Variants in BTNL9 observed in about 807,000 individuals in gnomAD.
The protein encoded by BTNL9 is butyrophilin like 9.
BTNL9 carries 45 observed loss-of-function variants against 45.8 expected under a neutral mutation model. The ratio of observed to expected loss-of-function variants is 0.98; its 90% CI spans 0.77 to 1.26. The LOEUF (loss-of-function observed/expected upper bound fraction) is 1.26, where lower values mean the gene tolerates loss of function less well. Ranked by LOEUF, BTNL9 falls within the 50% of genes most tolerant of loss-of-function variation. BTNL9 has a pLI of 0.00. For synonymous variants in BTNL9, 346 were observed against 330.8 expected, an observed-to-expected ratio of 1.05 and a Z score of -0.50; for missense variants, 784 against 729.7, an observed-to-expected ratio of 1.07 and a Z score of -0.86.
chr5:181,056,088 A>C, intron 9 of BTNL9, 73 bp downstream of exon 9: 1 of 1,521,512 alleles, frequency 6.6e-7, no homozygotes, highest in Non-Finnish European at 9.1e-7. Flanking sequence ...CACCTGATTA[A>C]CCAATCAGGC....
intron 10 of BTNL9, 24 bp downstream of exon 10, chr5:181,058,402 TTG>T: frequency 6.2e-7 from 1 of 1,614,120 alleles, no homozygotes; most frequent in Non-Finnish European, 8.5e-7. Context: ...GGAAACTGAT[TTG>T]TGTTTTGGTT....
Position 181,045,516 on chromosome 5 carries a change from C to A in BTNL9, c.27C>A (p.Asp9Glu). MVDLSVSP[D>E]SLKPVSLTSS... ...TGGTGGACCTCTCAGTCTCCCCAGA[C>A]TCCTTGAAGCCAGTATCGCTGACCA... The change falls in exon 2 of 11, where the codon GAC becomes GAA. Residue 9 changes from aspartate (D) to glutamate (E), a missense_variant. Coordinates refer to ENST00000327705, the MANE Select transcript of BTNL9 (RefSeq NM_152547.5). 1 of 1,611,782 alleles carries A rather than the reference C, an allele frequency of 6.2e-7. No homozygotes were observed. Among genetic ancestry groups the A allele is most frequent in the South Asian group, 1.1e-5 (1 of 91,068 alleles).
In BTNL9 at chr5:181,060,973, T is replaced by A. The variant is rs1762118234; in HGVS notation, c.*1111T>A. On this transcript the variant is annotated 3_prime_UTR_variant, in exon 11 of 11. Coordinates refer to ENST00000327705, the MANE Select transcript of BTNL9 (RefSeq NM_152547.5). ...TTTAAGTGCGTTATAGAGACGGGGG[T>A]CTCACTTTGTTACCCAGGCTGGTCT... 1 of 151,280 alleles carries A rather than the reference T, an allele frequency of 6.6e-6. No homozygotes were observed. The highest frequency in any genetic ancestry group is 1.5e-5 in the Non-Finnish European group (1 of 67,896). 9.4% of individuals were successfully genotyped at this position (151,280 alleles called of 1,614,324 possible).
rs1561979068 is a variant in BTNL9, at chr5:181,048,851, A to AATATTATATAATTATATTAGTTAT, written c.454+584_454+607dup. ...TATTATATAATTATATTAGTTATAT[A>AATATTATATAATTATATTAGTTAT]ATATTATATAATTATATTAGTTATA... On this transcript the variant is annotated intron_variant, in intron 3 of 10. Transcript: ENST00000327705. 2.3e-3 allele frequency among the ~76,000 whole-genome samples: 311 copies of AATATTATATAATTATATTAGTTAT among 135,754 alleles called. 6 individuals carry two copies. Among genetic ancestry groups the AATATTATATAATTATATTAGTTAT allele is most frequent in the African/African-American group, 8.7e-3 (302 of 34,772 alleles). The allele number at this position is 135,754 out of a possible 152,430, so 89.1% of individuals were successfully genotyped here.
At position 181,060,122 on chromosome 5, in the gene BTNL9, G is replaced by T; in HGVS notation, c.*260G>T. ...ATATATCCACGTCGCTCAGAGCTGGGGTGCTCACGGTGGGCGGTGGGCAAG... is the reference window on the plus strand; with the variant it reads ...ATATATCCACGTCGCTCAGAGCTGGTGTGCTCACGGTGGGCGGTGGGCAAG... On this transcript the variant is annotated 3_prime_UTR_variant, in exon 11 of 11. Coordinates refer to ENST00000327705, the MANE Select transcript of BTNL9 (RefSeq NM_152547.5). The T allele has an allele frequency of 4.4e-6, 2 of 457,044 alleles. No individual in the cohort carries two copies. The highest frequency in any genetic ancestry group is 7.7e-6 in the Non-Finnish European group (2 of 261,130). 28.3% of individuals were successfully genotyped at this position (457,044 alleles called of 1,614,324 possible). A position where few individuals can be genotyped will look rare whatever the true frequency, so the allele number is the denominator to read the frequency against.
Position 181,053,535 on chromosome 5 carries a change from C to A in BTNL9, c.886+34C>A. ...GGACAGGGCGTTCTGCACGCACCTG[C>A]CCAAGTGCCAAAACCCGCCGTCATC... On this transcript the variant is annotated intron_variant, in intron 6 of 10. Coordinates refer to ENST00000327705, the MANE Select transcript of BTNL9 (RefSeq NM_152547.5). This position sits in a 1 kb window ranked among gnomAD's most constrained non-coding sequence, Gnocchi z 6.5. 6.4e-7 allele frequency: 1 copy of A among 1,560,986 alleles called. No individual in the cohort carries two copies. Among genetic ancestry groups the A allele is most frequent in the South Asian group, 1.2e-5 (1 of 84,920 alleles).
At chr5:181,057,799 T>C (rs1761957900) in intron 9 of BTNL9, among the ~76,000 whole-genome samples, 1 of 152,208 alleles carries the variant, frequency 6.6e-6, no homozygotes, top group African/African-American at 2.4e-5. Context: ...AGCAAAGCCT[T>C]GCTGTAAATA....
intron 9 of BTNL9, 150 bp from the exon 10 acceptor site, chr5:181,058,202 A>G: frequency 1.1e-6 from 1 of 929,318 alleles, no homozygotes; most frequent in South Asian, 1.4e-5. Flanking sequence ...GGTGAACCCC[A>G]AGACCAGTCT....
intron 10 of BTNL9, among the ~76,000 whole-genome samples, 176 bp downstream of exon 10, chr5:181,058,554 G>A (rs1469781915): frequency 6.6e-6 from 1 of 152,182 alleles, no homozygotes; most frequent in Non-Finnish European, 1.5e-5. Flanking sequence ...ATGCCTGCAT[G>A]TGTATGCACA....
At position 181,055,108 on chromosome 5, in the gene BTNL9, C is replaced by G. The variant is rs1333413523; in HGVS notation, c.908-325C>G. The G allele has an allele frequency of 8.8e-7, 1 of 1,142,014 alleles. No individual in the cohort carries two copies. Among genetic ancestry groups the G allele is most frequent in the African/African-American group, 1.6e-5 (1 of 62,160 alleles). 70.7% of individuals were successfully genotyped at this position (1,142,014 alleles called of 1,614,324 possible). Reference sequence around the variant, plus strand: ...CTCAGTGCCTGCACTTAGGCGGGAGCTCCGCCCCAGGAAGCTTGTGATTTC... The same window carrying G: ...CTCAGTGCCTGCACTTAGGCGGGAGGTCCGCCCCAGGAAGCTTGTGATTTC... On this transcript the variant is annotated intron_variant, in intron 7 of 10. Coordinates refer to ENST00000327705, the MANE Select transcript of BTNL9 (RefSeq NM_152547.5). This position sits in a 1 kb window ranked among gnomAD's most constrained non-coding sequence, Gnocchi z 4.4.
chr5:181,043,865 G>C (rs1239388694), intron 1 of BTNL9, among the ~76,000 whole-genome samples: 2 of 152,242 alleles, frequency 1.3e-5, no homozygotes, highest in African/African-American at 2.4e-5. Context: ...CAGAGGGTGA[G>C]AGTCTGGACT....
Position 181,055,892 on chromosome 5 carries a change from G to C in BTNL9, c.929-97G>C, listed in dbSNP as rs1761856609. 3 of 1,419,168 alleles carry C rather than the reference G, an allele frequency of 2.1e-6. No homozygotes were observed. Among genetic ancestry groups the C allele is most frequent in the Admixed American group, 1.7e-5 (1 of 59,754 alleles). The allele number at this position is 1,419,168 out of a possible 1,614,324, so 87.9% of individuals were successfully genotyped here. A position where few individuals can be genotyped will look rare whatever the true frequency, so the allele number is the denominator to read the frequency against. Reference sequence around the variant, plus strand: ...ACCCCTGCTGGCTATGTGGGTGGTGGGGGGTGCGGGACAGGGTGGGTGCAA... The same window carrying C: ...ACCCCTGCTGGCTATGTGGGTGGTGCGGGGTGCGGGACAGGGTGGGTGCAA... On this transcript the variant is annotated intron_variant, in intron 8 of 10. Transcript: ENST00000327705. The surrounding 1 kb of genome is among the most constrained non-coding windows in gnomAD (Gnocchi z 4.4).
intron 3 of BTNL9, among the ~76,000 whole-genome samples, chr5:181,049,844 C>T (rs1477676367): frequency 6.6e-6 from 1 of 152,188 alleles, no homozygotes; most frequent in Non-Finnish European, 1.5e-5. Context: ...AGCCCTTCCC[C>T]ACCCAATGAC....
intron 10 of BTNL9, 86 bp downstream of exon 10, chr5:181,058,464 C>T (rs945356255): frequency 2.6e-5 from 42 of 1,593,276 alleles, no homozygotes; most frequent in South Asian, 3.3e-5. Flanking sequence ...GATTAGAGGA[C>T]GGGGCTTTAT....
chr5:181,042,481 C>T lies in BTNL9; in HGVS notation c.-24+2049C>T, dbSNP rs747765004. 6.6e-6 allele frequency among the ~76,000 whole-genome samples: 1 copy of T among 152,182 alleles called. No homozygotes were observed. The highest frequency in any genetic ancestry group is 1.5e-5 in the Non-Finnish European group (1 of 68,036). ...TTACGCTTCAAGTAAGGATTGAGCA[C>T]CCTGGATCCTTAACTGAAGAGTGAG... On this transcript the variant is annotated intron_variant, in intron 1 of 10. Coordinates refer to ENST00000327705, the MANE Select transcript of BTNL9 (RefSeq NM_152547.5). This position sits in a 1 kb window ranked among gnomAD's most constrained non-coding sequence, Gnocchi z 4.5.
At chr5:181,058,905 C>T (rs561458075) in intron 10 of BTNL9, among the ~76,000 whole-genome samples, 1 of 152,214 alleles carries the variant, frequency 6.6e-6, no homozygotes, top group African/African-American at 2.4e-5. Flanking sequence ...GTGCCACCAG[C>T]AGGAACTAGA....
intron 3 of BTNL9, among the ~76,000 whole-genome samples, chr5:181,048,754 G>GATATAT (rs1165190815): frequency 0.017 from 1,286 of 74,436 alleles, 33 homozygotes; most frequent in Non-Finnish European, 0.03. Flanking sequence ...TATATATATA[G>GATATAT]ATATAGATAT....
rs1761733411 is a variant in BTNL9, at chr5:181,053,979, C to T, written c.887-260C>T. ...CCGCCGAGCTAATAGATTTGGGAGG[C>T]TCCGACCCTGATTTTCACACTAGCA... On this transcript the variant is annotated intron_variant, in intron 6 of 10. Transcript: ENST00000327705. This position sits in a 1 kb window ranked among gnomAD's most constrained non-coding sequence, Gnocchi z 6.5. The T allele has an allele frequency of 1.8e-5, 28 of 1,532,466 alleles. No individual in the cohort carries two copies. In the South Asian group the frequency reaches 3.2e-4, roughly 18 times the overall value. 94.9% of individuals were successfully genotyped at this position (1,532,466 alleles called of 1,614,324 possible). A position where few individuals can be genotyped will look rare whatever the true frequency, so the allele number is the denominator to read the frequency against.
intron 7 of BTNL9, chr5:181,054,644 G>A (rs1002709211): frequency 2.0e-6 from 2 of 985,288 alleles, no homozygotes; most frequent in Non-Finnish European, 2.4e-6. Context: ...TTTCTCCCCA[G>A]AGGGACTCAG....
Sources: gnomAD v4.1 joint callset for allele counts (sites outside exome capture counted in the v4.1 genomes callset) on GRCh38, gnomAD v4.1.1 for gene constraint, Gnocchi (gnomAD v3.1) non-coding constraint, MANE v1.5 for transcripts, NCBI Gene and HGNC (gene_info 2026-07-23, HGNC 2026-07-21) for gene names.